Variants in KCTD16 observed in about 807,000 individuals in gnomAD.
KCTD16 encodes the protein BTB/POZ domain-containing protein KCTD16.
Under a neutral mutation model 33.2 loss-of-function variants are expected in KCTD16, and 13 were observed. The observed-to-expected ratio is 0.39, with a 90% CI of 0.25 to 0.62. The LOEUF (loss-of-function observed/expected upper bound fraction) is 0.62. Among genes scored for constraint, KCTD16 ranks in the 20% least tolerant of loss-of-function variants. KCTD16 has a pLI of 0.50. For synonymous variants in KCTD16, 197 were observed against 195.3 expected, an observed-to-expected ratio of 1.01 and a Z score of -0.07; for missense variants, 441 against 525.1, an observed-to-expected ratio of 0.84 and a Z score of 1.57.
At chr5:144,323,366 A>C (rs1752124836) in intron 3 of KCTD16, among the ~76,000 whole-genome samples, 1 of 152,220 alleles carries the variant, frequency 6.6e-6, no homozygotes, top group South Asian at 2.1e-4. Flanking sequence ...TAAATGTGCA[A>C]GTTTCATTAG....
At chr5:144,196,875 T>C (rs936643527) in intron 2 of KCTD16, among the ~76,000 whole-genome samples, 1 of 152,224 alleles carries the variant, frequency 6.6e-6, no homozygotes, top group African/African-American at 2.4e-5. Flanking sequence ...TGAGATGTGC[T>C]TGAGGCTCAG....
At chr5:144,323,807 A>G (rs1752136095) in intron 3 of KCTD16, among the ~76,000 whole-genome samples, 1 of 152,140 alleles carries the variant, frequency 6.6e-6, no homozygotes, top group Admixed American at 6.6e-5. Context: ...AAAAGCATGG[A>G]CTTGGGCATT....
chr5:144,358,783 C>T (rs1751635949), intron 3 of KCTD16, among the ~76,000 whole-genome samples: 1 of 152,204 alleles, frequency 6.6e-6, no homozygotes, highest in Admixed American at 6.5e-5. Context: ...CTTCTCACTG[C>T]ACCCTCAGAT....
chr5:144,461,114 A>G (rs548811527), intron 3 of KCTD16, among the ~76,000 whole-genome samples: 1 of 152,310 alleles, frequency 6.6e-6, no homozygotes, highest in South Asian at 2.1e-4. Context: ...AATGTAAGAT[A>G]TTGAGCATTT....
intron 3 of KCTD16, among the ~76,000 whole-genome samples, chr5:144,371,839 A>G (rs1488871924): frequency 6.6e-6 from 1 of 152,052 alleles, no homozygotes; most frequent in African/African-American, 2.4e-5. Context: ...AAGAGCTGCA[A>G]CTTACTATTA....
At position 144,483,626 on chromosome 5, in the gene KCTD16, C is replaced by T. The variant is rs560041382; in HGVS notation, c.*9512C>T. 5.9e-5 allele frequency: 9 copies of T among 152,070 alleles called. No individual in the cohort carries two copies. Among genetic ancestry groups the T allele is most frequent in the Non-Finnish European group, 5.9e-5 (4 of 67,912 alleles). The allele number at this position is 152,070 out of a possible 1,614,324, so 9.4% of individuals were successfully genotyped here. On this transcript the variant is annotated 3_prime_UTR_variant, in exon 4 of 4. Transcript: ENST00000512467. ...ACGAATTTTGGCCATCTTAAGAATA[C>T]AGTAAGTTGTGTACTCATTCATAGC...
chr5:144,234,710 T>G (rs1754200803), intron 3 of KCTD16, among the ~76,000 whole-genome samples: 1 of 152,120 alleles, frequency 6.6e-6, no homozygotes. Flanking sequence ...TAAAATGGCA[T>G]CTATGGGAAA....
chr5:144,446,608 A>G, intron 3 of KCTD16, among the ~76,000 whole-genome samples: 1 of 152,202 alleles, frequency 6.6e-6, no homozygotes, highest in East Asian at 1.9e-4. Context: ...CTATCATAAG[A>G]GTGAACAGGC....
At chr5:144,182,052 T>C (rs1235983345) in intron 2 of KCTD16, among the ~76,000 whole-genome samples, 3 of 150,118 alleles carry the variant, frequency 2.0e-5, no homozygotes, top group Non-Finnish European at 4.4e-5. Flanking sequence ...GCCACTGCAC[T>C]CTGGCCTGGG....
At chr5:144,390,190 T>A (rs1752417350) in intron 3 of KCTD16, among the ~76,000 whole-genome samples, 1 of 152,242 alleles carries the variant, frequency 6.6e-6, no homozygotes, top group Non-Finnish European at 1.5e-5. Flanking sequence ...TTTCTATATG[T>A]GATAATTTAT....
chr5:144,273,446 A>G (rs530029512), intron 3 of KCTD16, among the ~76,000 whole-genome samples: 86 of 152,332 alleles, frequency 5.6e-4, no homozygotes, highest in African/African-American at 2.0e-3. Flanking sequence ...GAATTACCAT[A>G]TGGTTCAGCA....
rs1277670359 is a variant in KCTD16, at chr5:144,474,807, C to T, written c.*693C>T. 6.6e-6 allele frequency: 1 copy of T among 152,176 alleles called. No individual in the cohort carries two copies. The highest frequency in any genetic ancestry group is 2.4e-5 in the African/African-American group (1 of 41,440). 9.4% of individuals were successfully genotyped at this position (152,176 alleles called of 1,614,324 possible). ...TCTTAAAATTCTTTTGGGAAGATTT[C>T]CCAGCCTTTCTTCACAACACTTTCT... On this transcript the variant is annotated 3_prime_UTR_variant, in exon 4 of 4. Coordinates refer to ENST00000512467, the MANE Select transcript of KCTD16 (RefSeq NM_020768.4).
chr5:144,461,977 T>G (rs1357289415), intron 3 of KCTD16, among the ~76,000 whole-genome samples: 1 of 152,254 alleles, frequency 6.6e-6, no homozygotes, highest in Non-Finnish European at 1.5e-5. Context: ...GCCCTAGTTT[T>G]GCAGTCTTAA....
At chr5:144,277,304 G>A (rs1755463914) in intron 3 of KCTD16, among the ~76,000 whole-genome samples, 1 of 152,128 alleles carries the variant, frequency 6.6e-6, no homozygotes, top group Admixed American at 6.5e-5. Context: ...TGATGACGAC[G>A]ATGATGATGA....
At chr5:144,295,196 A>T (rs1756001914) in intron 3 of KCTD16, among the ~76,000 whole-genome samples, 2 of 152,232 alleles carry the variant, frequency 1.3e-5, no homozygotes, top group Non-Finnish European at 1.5e-5. Context: ...AGTGGTAAGC[A>T]TTTTAGCAGT....
At chr5:144,386,737 A>G (rs1752332024) in intron 3 of KCTD16, among the ~76,000 whole-genome samples, 1 of 152,232 alleles carries the variant, frequency 6.6e-6, no homozygotes, top group Admixed American at 6.5e-5. Context: ...GGCACATTCC[A>G]GAGTGCTTTG....
chr5:144,391,663 G>T (rs539232689), intron 3 of KCTD16, among the ~76,000 whole-genome samples: 11 of 152,090 alleles, frequency 7.2e-5, no homozygotes, highest in Non-Finnish European at 1.3e-4. Flanking sequence ...CTTATAAAAT[G>T]GTAACTCTAT....
intron 3 of KCTD16, among the ~76,000 whole-genome samples, chr5:144,310,617 T>C (rs1751739966): frequency 6.6e-6 from 1 of 151,798 alleles, no homozygotes; most frequent in Non-Finnish European, 1.5e-5. Context: ...TTTTGATCAA[T>C]AATATTAATC....
rs115047960 is a variant in KCTD16 at position 144,447,644 on chromosome 5, G to C, written c.833-26016G>C. On this transcript the variant is annotated intron_variant, in intron 3 of 3. Transcript: ENST00000512467. ...AGGAAAAGTAAAAAAATGTGTGTCA[G>C]AGTCTGAGACAGGGTAGATATTCAC... Among the ~76,000 whole-genome samples the C allele has an allele frequency of 9.7e-3, 1,480 of 152,138 alleles. 25 individuals are homozygous for C. The highest frequency in any genetic ancestry group is 0.034 in the African/African-American group (1,399 of 41,512).
Sources: allele counts gnomAD v4.1 joint callset (sites outside exome capture counted in the v4.1 genomes callset), GRCh38; gene constraint gnomAD v4.1.1; transcripts MANE v1.5; gene names NCBI Gene and HGNC (gene_info 2026-07-23, HGNC 2026-07-21).